Variants in MYO1E observed in about 807,000 individuals in gnomAD.
MYO1E encodes myosin IE.
MYO1E carries 68 observed loss-of-function variants against 151.1 expected under a neutral mutation model. The ratio of observed to expected loss-of-function variants is 0.45; its 90% CI spans 0.37 to 0.55. MYO1E has a LOEUF of 0.55. Among genes scored for constraint, MYO1E ranks in the 20% least tolerant of loss-of-function variants. MYO1E has a pLI of 0.00. For missense variants in MYO1E, 1,363 were observed against 1,389.3 expected, an observed-to-expected ratio of 0.98 and a Z score of 0.30; for synonymous variants, 601 against 501.7, an observed-to-expected ratio of 1.20 and a Z score of -2.64.
At chr15:59,307,180 G>C (rs763469313) in intron 1 of MYO1E, among the ~76,000 whole-genome samples, 1 of 152,170 alleles carries the variant, frequency 6.6e-6, no homozygotes, top group Admixed American at 6.5e-5. Context: ...CCCAGCTTCA[G>C]AGTGAAACTA....
At chr15:59,160,336 CGTGT>C (rs55633634) in intron 24 of MYO1E, among the ~76,000 whole-genome samples, 4,544 of 119,982 alleles carry the variant, frequency 0.038, 91 homozygotes, top group East Asian at 0.075. Context: ...TGAGGTAGTG[CGTGT>C]GTGTGTGTGT....
intron 1 of MYO1E, among the ~76,000 whole-genome samples, chr15:59,286,186 A>T (rs546464784): frequency 2.0e-5 from 3 of 152,242 alleles, no homozygotes; most frequent in Non-Finnish European, 2.9e-5. Flanking sequence ...GGCAGAGTTG[A>T]TATCAACCTG....
chr15:59,195,367 C>A, intron 17 of MYO1E, 94 bp downstream of exon 17: 1 of 1,117,200 alleles, frequency 9.0e-7, no homozygotes, highest in Admixed American at 1.7e-5. Flanking sequence ...CATGTGCGGA[C>A]AACTGACACT....
chr15:59,323,844 G>A (rs1176927132), intron 1 of MYO1E, among the ~76,000 whole-genome samples: 3 of 151,974 alleles, frequency 2.0e-5, no homozygotes, highest in East Asian at 3.9e-4. Flanking sequence ...CTGCCCATAA[G>A]AGCCCCTGGG....
In MYO1E at chr15:59,137,326, C is replaced by T; in HGVS notation, c.*54G>A. On this transcript the variant is annotated 3_prime_UTR_variant, in exon 28 of 28. Coordinates refer to ENST00000288235, the MANE Select transcript of MYO1E (RefSeq NM_004998.4). ...TAAGGGGAGCCCCTAAATATCCCCT[C>T]CCCTGGTCTGTGCCTGGAGCTCCTC... The T allele has an allele frequency of 4.0e-6, 6 of 1,500,014 alleles. No homozygotes were observed. The South Asian group carries it at 4.5e-5, about 11-fold the overall frequency. 92.9% of individuals were successfully genotyped at this position (1,500,014 alleles called of 1,614,324 possible). A position where few individuals can be genotyped will look rare whatever the true frequency, so the allele number is the denominator to read the frequency against.
chr15:59,258,872 A>G (rs1222666215), intron 3 of MYO1E, among the ~76,000 whole-genome samples: 1 of 151,940 alleles, frequency 6.6e-6, no homozygotes, highest in East Asian at 1.9e-4. Context: ...AAAAAAAAAA[A>G]AGAAGAAAAC....
At chr15:59,314,302 A>G (rs1360089860) in intron 1 of MYO1E, among the ~76,000 whole-genome samples, 2 of 152,230 alleles carry the variant, frequency 1.3e-5, no homozygotes, top group African/African-American at 4.8e-5. Context: ...AATAAACTTG[A>G]GAAAACAGAT....
At position 59,268,682 on chromosome 15, in the gene MYO1E, G is replaced by T. The variant is rs2080270402; in HGVS notation, c.147+3624C>A. Among the ~76,000 whole-genome samples the T allele has an allele frequency of 3.0e-5, 4 of 131,712 alleles. No homozygotes were observed. In the South Asian group the frequency reaches 1.0e-3, roughly 34 times the overall value. The allele number at this position is 131,712 out of a possible 152,430, so 86.4% of individuals were successfully genotyped here. ...AAGCTCTACACCAAGAGATTAATAA[G>T]AACTAACCTTTGGTGATGGGTTCTG... On this transcript the variant is annotated intron_variant, in intron 2 of 27. Transcript: ENST00000288235.
At chr15:59,180,035 G>C (rs577633047) in intron 18 of MYO1E, among the ~76,000 whole-genome samples, 1 of 152,196 alleles carries the variant, frequency 6.6e-6, no homozygotes, top group Admixed American at 6.5e-5. Context: ...AACCTTGAGT[G>C]GCCCTGCCAG....
intron 24 of MYO1E, among the ~76,000 whole-genome samples, chr15:59,160,421 G>C (rs2079531910): frequency 6.7e-6 from 1 of 149,034 alleles, no homozygotes; most frequent in African/African-American, 2.5e-5. Context: ...TTTTTAATGA[G>C]GCAGGGTCTT....
chr15:59,178,624 T>G, intron 18 of MYO1E, 87 bp from the exon 19 acceptor site: 1 of 1,526,510 alleles, frequency 6.6e-7, no homozygotes, highest in Non-Finnish European at 8.9e-7. Context: ...AGCTCTGCTC[T>G]GAAGGTGCCC....
intron 1 of MYO1E, among the ~76,000 whole-genome samples, chr15:59,356,156 T>C (rs1296046366): frequency 2.0e-5 from 3 of 152,212 alleles, no homozygotes; most frequent in Non-Finnish European, 4.4e-5. Flanking sequence ...ACATTATAGC[T>C]GCTGCTGAGT....
At chr15:59,354,340 C>G (rs1220968863) in intron 1 of MYO1E, among the ~76,000 whole-genome samples, 1 of 152,198 alleles carries the variant, frequency 6.6e-6, no homozygotes, top group Non-Finnish European at 1.5e-5. Context: ...GTCTTTAAAC[C>G]AGAACAGACA....
At position 59,227,341 on chromosome 15, in the gene MYO1E, T is replaced by A. The variant is rs555928431; in HGVS notation, c.642+118A>T. ...ACAATTCTGCACATTGACTTGTACA[T>A]GGTATCATCATCAGTCCTCCCTGGC... On this transcript the variant is annotated intron_variant, in intron 7 of 27. Coordinates refer to ENST00000288235, the MANE Select transcript of MYO1E (RefSeq NM_004998.4). The A allele has an allele frequency of 3.0e-5, 36 of 1,210,030 alleles. No individual in the cohort carries two copies. In the African/African-American group the frequency reaches 4.1e-4, roughly 14 times the overall value. The allele number at this position is 1,210,030 out of a possible 1,614,324, so 75.0% of individuals were successfully genotyped here.
At position 59,261,626 on chromosome 15, in the gene MYO1E, C is replaced by T. The variant is rs534341424; in HGVS notation, c.148-117G>A. 4.1e-6 allele frequency: 3 copies of T among 725,654 alleles called. No individual in the cohort carries two copies. In the African/African-American group the frequency reaches 5.2e-5, roughly 13 times the overall value. 45.0% of individuals were successfully genotyped at this position (725,654 alleles called of 1,614,324 possible). A position where few individuals can be genotyped will look rare whatever the true frequency, so the allele number is the denominator to read the frequency against. On this transcript the variant is annotated intron_variant, in intron 2 of 27. Transcript: ENST00000288235. ...ACTGTCCAAGTGGAAAGTTTGTGTA[C>T]TTGTTTTCTAAAAGATTACAAGTAA...
chr15:59,153,174 T>C (rs933023629), intron 26 of MYO1E, among the ~76,000 whole-genome samples: 23 of 152,186 alleles, frequency 1.5e-4, no homozygotes, highest in Admixed American at 1.5e-3. Context: ...TCAACAAATA[T>C]CATATAGAAT....
chr15:59,277,617 G>A (rs147742856), intron 1 of MYO1E, among the ~76,000 whole-genome samples: 1 of 151,124 alleles, frequency 6.6e-6, no homozygotes, highest in South Asian at 2.1e-4. Context: ...GTATTTTTTA[G>A]GAAACTACCT....
In MYO1E at chr15:59,372,743, A is replaced by G; in HGVS notation, c.-243T>C. The G allele has an allele frequency of 1.8e-6, 1 of 564,100 alleles. No homozygotes were observed. Among genetic ancestry groups the G allele is most frequent in the Non-Finnish European group, 3.1e-6 (1 of 320,902 alleles). The allele number at this position is 564,100 out of a possible 1,614,324, so 34.9% of individuals were successfully genotyped here. On this transcript the variant is annotated 5_prime_UTR_variant, in exon 1 of 28. Transcript: ENST00000288235. ...GGCGGGGCGCATGCTGCGGAGGGCA[A>G]GAGTCCACTCGTACTCGCCGGTCGC... is the stretch of plus-strand genomic sequence containing the variant.
rs147336029 is a variant in MYO1E, at chr15:59,364,940, T to C, written c.3+7558A>G. On this transcript the variant is annotated intron_variant, in intron 1 of 27. Coordinates refer to ENST00000288235, the MANE Select transcript of MYO1E (RefSeq NM_004998.4). ...AACAAACAAACAAAGAAACAATGCA[T>C]TTGAACAGACTGAAAGGAAACCCAG... 7.2e-3 allele frequency among the ~76,000 whole-genome samples: 1,088 copies of C among 152,026 alleles called. 15 individuals are homozygous for C. The highest frequency in any genetic ancestry group is 0.026 in the African/African-American group (1,058 of 41,476).
Sources: gnomAD v4.1 joint callset for allele counts (sites outside exome capture counted in the v4.1 genomes callset) on GRCh38, gnomAD v4.1.1 for gene constraint, MANE v1.5 for transcripts, NCBI Gene and HGNC (gene_info 2026-07-23, HGNC 2026-07-21) for gene names.